The following IMMP2L variants were observed in gnomAD, a reference collection of about 807,000 sequenced individuals.
IMMP2L encodes inner mitochondrial membrane peptidase subunit 2.
IMMP2L carries 18 observed loss-of-function variants against 19.3 expected under a neutral mutation model. The observed-to-expected ratio is 0.93, with a 90% CI of 0.64 to 1.38. The LOEUF is 1.38. Ranked by LOEUF, IMMP2L falls within the 40% of genes most tolerant of loss-of-function variation. IMMP2L has a pLI of 0.00. For synonymous variants in IMMP2L, 76 were observed against 73.0 expected (o/e 1.04, Z -0.21); for missense variants, 233 against 218.2 (o/e 1.07, Z -0.43).
intron 3 of IMMP2L, among the ~76,000 whole-genome samples, chr7:111,171,199 C>T (rs1562883105): frequency 6.6e-6 from 1 of 151,602 alleles, no homozygotes; most frequent in Admixed American, 6.6e-5. Context: ...GCAAGATACA[C>T]ACACACACAA....
rs909361038 is a variant in IMMP2L, at chr7:110,662,873, T to C, written c.*729A>G. ...AAAGGGGTTTACCCATCATTGTGAA[T>C]AGGCATGAGATCACTCAGAAATGTT... On this transcript the variant is annotated 3_prime_UTR_variant, in exon 6 of 6. Coordinates refer to ENST00000405709, the MANE Select transcript of IMMP2L (RefSeq NM_032549.4). Among the ~76,000 whole-genome samples the C allele has an allele frequency of 8.5e-5, 13 of 152,176 alleles. No homozygotes were observed. The highest frequency in any genetic ancestry group is 3.1e-4 in the African/African-American group (13 of 41,440).
intron 5 of IMMP2L, among the ~76,000 whole-genome samples, chr7:110,664,080 A>G (rs1791259403): frequency 6.6e-6 from 1 of 152,090 alleles, no homozygotes; most frequent in East Asian, 1.9e-4. Flanking sequence ...TTTAGAACCA[A>G]GCAGTTTGAC....
At chr7:111,325,569 T>C (rs1309998603) in intron 3 of IMMP2L, among the ~76,000 whole-genome samples, 1 of 151,706 alleles carries the variant, frequency 6.6e-6, no homozygotes, top group Non-Finnish European at 1.5e-5. Flanking sequence ...TTTTTTGGAG[T>C]TTAGGTTTTT....
chr7:110,825,842 C>G (rs1286467144), intron 5 of IMMP2L, among the ~76,000 whole-genome samples: 1 of 152,158 alleles, frequency 6.6e-6, no homozygotes, highest in Non-Finnish European at 1.5e-5. Context: ...CGAATGGGAT[C>G]TAATTAAACT....
At chr7:110,716,007 A>T (rs1294421556) in intron 5 of IMMP2L, among the ~76,000 whole-genome samples, 1 of 152,116 alleles carries the variant, frequency 6.6e-6, no homozygotes, top group Non-Finnish European at 1.5e-5. Flanking sequence ...CTTCATCATT[A>T]TGTAATGCCC....
intron 3 of IMMP2L, among the ~76,000 whole-genome samples, chr7:111,132,957 T>C (rs763718393): frequency 1.3e-5 from 2 of 152,056 alleles, no homozygotes; most frequent in African/African-American, 2.4e-5. Flanking sequence ...AAAGTCACTA[T>C]GTTGACCTAT....
intron 3 of IMMP2L, among the ~76,000 whole-genome samples, chr7:111,200,819 G>T (rs542617233): frequency 1.3e-5 from 2 of 151,940 alleles, no homozygotes; most frequent in African/African-American, 4.8e-5. Context: ...ACAGATAAAA[G>T]ACAAAAAGGC....
intron 3 of IMMP2L, among the ~76,000 whole-genome samples, chr7:111,021,629 TC>T (rs1335965465): frequency 5.3e-5 from 8 of 152,306 alleles, no homozygotes; most frequent in Middle Eastern, 3.4e-3. Context: ...ACGCCAGTAA[TC>T]CCAGCACTTT....
In IMMP2L at chr7:111,491,480, T is replaced by C. The variant is rs190723590; in HGVS notation, c.136-4139A>G. Among the ~76,000 whole-genome samples the C allele has an allele frequency of 6.8e-4, 104 of 152,240 alleles. No homozygotes were observed. In the East Asian group the frequency reaches 0.019, roughly 28 times the overall value. On this transcript the variant is annotated intron_variant, in intron 2 of 5. Transcript: ENST00000405709. The stretch of plus-strand genomic sequence containing the variant: ...ACCTCTCAGTAACTTCTATTATTGA[T>C]ATTTCTACATCACAATTTTAATTTT...
At chr7:111,006,392 T>A (rs1475782922) in intron 3 of IMMP2L, among the ~76,000 whole-genome samples, 1 of 152,318 alleles carries the variant, frequency 6.6e-6, no homozygotes, top group Non-Finnish European at 1.5e-5. Flanking sequence ...TTGGGCTTTA[T>A]TTTCATAGAC....
In IMMP2L at chr7:110,802,331, ATG is replaced by A. The variant is rs10545848; in HGVS notation, c.408+84260_408+84261del. Among the ~76,000 whole-genome samples, 483 of 147,072 alleles carry A rather than the reference ATG, an allele frequency of 3.3e-3. 11 individuals carry two copies. In the East Asian group the frequency reaches 0.057, roughly 17 times the overall value. ...ACAGTGTGTATGTGTGTATGTGTGT[ATG>A]TGTGTGTGTGTGTGTGTGTGTGTGT... On this transcript the variant is annotated intron_variant, in intron 5 of 5. Transcript: ENST00000405709.
chr7:111,416,894 TTAAA>T (rs1304518653), intron 3 of IMMP2L, among the ~76,000 whole-genome samples: 2 of 151,614 alleles, frequency 1.3e-5, no homozygotes, highest in Non-Finnish European at 2.9e-5. Context: ...TTTAATATAA[TTAAA>T]TGAGCCTTAA....
intron 5 of IMMP2L, among the ~76,000 whole-genome samples, chr7:110,810,027 A>C (rs2396278): frequency 0.085 from 12,898 of 152,100 alleles, 662 homozygotes; most frequent in Admixed American, 0.12. Context: ...GCTGGTGTAA[A>C]GGCTTCCTTC....
At chr7:110,832,475 G>A (rs1274442513) in intron 5 of IMMP2L, among the ~76,000 whole-genome samples, 2 of 152,034 alleles carry the variant, frequency 1.3e-5, no homozygotes, top group South Asian at 4.2e-4. Context: ...CAGCTGACAA[G>A]CCTGCCTTCC....
At chr7:111,119,617 G>C (rs557633627) in intron 3 of IMMP2L, among the ~76,000 whole-genome samples, 5 of 152,254 alleles carry the variant, frequency 3.3e-5, no homozygotes, top group Non-Finnish European at 7.4e-5. Context: ...CATTAAAACA[G>C]ATTTACTGAA....
intron 4 of IMMP2L, among the ~76,000 whole-genome samples, 162 bp downstream of exon 4, chr7:110,963,338 C>T (rs1238905763): frequency 6.6e-6 from 1 of 151,958 alleles, no homozygotes; most frequent in Non-Finnish European, 1.5e-5. Context: ...ATATTCCTTA[C>T]AACCTGAAAG....
At chr7:111,252,255 C>T (rs1432959314) in intron 3 of IMMP2L, among the ~76,000 whole-genome samples, 1 of 152,010 alleles carries the variant, frequency 6.6e-6, no homozygotes, top group Non-Finnish European at 1.5e-5. Context: ...GCATCATCAA[C>T]CAACAAGCGG....
At chr7:111,030,574 A>C (rs1318293557) in intron 3 of IMMP2L, among the ~76,000 whole-genome samples, 1 of 152,128 alleles carries the variant, frequency 6.6e-6, no homozygotes, top group Non-Finnish European at 1.5e-5. Context: ...TAGTCCCTAA[A>C]GAAATTGCAC....
chr7:111,117,449 G>A (rs548029640), intron 3 of IMMP2L, among the ~76,000 whole-genome samples: 8 of 151,998 alleles, frequency 5.3e-5, no homozygotes, highest in Middle Eastern at 3.4e-3. Context: ...ATTTTCTTTC[G>A]GTGTATCAAT....
Sources: gnomAD v4.1 joint callset for allele counts (sites outside exome capture counted in the v4.1 genomes callset) on GRCh38, gnomAD v4.1.1 for gene constraint, MANE v1.5 for transcripts, NCBI Gene and HGNC (gene_info 2026-07-23, HGNC 2026-07-21) for gene names.